The following NANOS1 variants were observed in gnomAD, a reference collection of about 807,000 sequenced individuals.
NANOS1 encodes the protein nanos C2HC-type zinc finger 1.
A neutral mutation model predicts 1.1 loss-of-function variants in NANOS1; 1 was observed. That is an observed-to-expected ratio of 0.88 (90% confidence interval 0.31 to 4.20). The LOEUF (loss-of-function observed/expected upper bound fraction) is 4.20, where lower values mean the gene tolerates loss of function less well. Ranked by LOEUF, NANOS1 falls within the 30% of genes most tolerant of loss-of-function variation. The pLI is 0.17. For missense variants in NANOS1, 537 were observed against 457.9 expected, an observed-to-expected ratio of 1.17 and a Z score of -1.58; for synonymous variants, 252 against 230.6, an observed-to-expected ratio of 1.09 and a Z score of -0.84.
chr10:119,030,494 C>A lies in NANOS1; in HGVS notation c.693C>A (p.Ile231=). 6.6e-7 allele frequency: 1 copy of A among 1,512,494 alleles called. No individual in the cohort carries two copies. Among genetic ancestry groups the A allele is most frequent in the Non-Finnish European group, 8.8e-7 (1 of 1,133,162 alleles). The allele number at this position is 1,512,494 out of a possible 1,614,324, so 93.7% of individuals were successfully genotyped here. A position where few individuals can be genotyped will look rare whatever the true frequency, so the allele number is the denominator to read the frequency against. The part of the protein sequence containing the change: ...KEAMALYTTH[I]LKGPDGRVLC... ...CGATGGCGCTCTACACCACCCATAT[C>A]CTCAAGGGCCCCGACGGGCGAGTGC... is the stretch of plus-strand genomic sequence containing the variant. The change falls in exon 1 of 1, where the codon ATC becomes ATA. Residue 231 remains isoleucine, a synonymous_variant. Transcript: ENST00000425699. This position sits in a 1 kb window ranked among gnomAD's most constrained non-coding sequence, Gnocchi z 5.3.
rs534229389 is a variant in NANOS1 at position 119,029,977 on chromosome 10, G to A, written c.176G>A (p.Gly59Asp). 2 of 1,411,944 alleles carry A rather than the reference G, an allele frequency of 1.4e-6. No homozygotes were observed. Among genetic ancestry groups the A allele is most frequent in the Non-Finnish European group, 1.8e-6 (2 of 1,083,586 alleles). The allele number at this position is 1,411,944 out of a possible 1,614,324, so 87.5% of individuals were successfully genotyped here. A position where few individuals can be genotyped will look rare whatever the true frequency, so the allele number is the denominator to read the frequency against. The change falls in exon 1 of 1, where the codon GGC becomes GAC. Residue 59 changes from glycine (G) to aspartate (D), a missense_variant. Gly to Asp is a moderately conservative substitution (Grantham distance 94). Transcript: ENST00000425699. ...ACGCTCATCACCAAAGCGGTGGACG[G>A]CGAGCCGCGCTTCGGCTGCGCCCGC... ...LATLITKAVD[G>D]EPRFGCARGG...
At position 119,031,060 on chromosome 10, in the gene NANOS1, C is replaced by G. The variant is rs1430287051; in HGVS notation, c.*380C>G. 1 of 204,620 alleles carries G rather than the reference C, an allele frequency of 4.9e-6. No homozygotes were observed. Among genetic ancestry groups the G allele is most frequent in the Non-Finnish European group, 1.1e-5 (1 of 93,320 alleles). 12.7% of individuals were successfully genotyped at this position (204,620 alleles called of 1,614,324 possible). On this transcript the variant is annotated 3_prime_UTR_variant, in exon 1 of 1. Transcript: ENST00000425699. ...ATGTTTCATTTTATGAATGGAGGCA[C>G]TTTACTAGGTCTAGAATATTTTTTT...
rs1413044538 is a variant in NANOS1 at position 119,033,201 on chromosome 10, GAAA to G, written c.*2526_*2528del. The G allele has an allele frequency of 6.0e-6, 1 of 166,954 alleles. No homozygotes were observed. Among genetic ancestry groups the G allele is most frequent in the Non-Finnish European group, 1.5e-5 (1 of 68,120 alleles). 10.3% of individuals were successfully genotyped at this position (166,954 alleles called of 1,614,324 possible). A position where few individuals can be genotyped will look rare whatever the true frequency, so the allele number is the denominator to read the frequency against. On this transcript the variant is annotated 3_prime_UTR_variant, in exon 1 of 1. Transcript: ENST00000425699. The stretch of plus-strand genomic sequence containing the variant: ...ACAGAGCGACTCTGTCTCCAAAAAA[GAAA>G]AAAAGTACCCCATGTTCAGCCCCTG...
chr10:119,030,414 C>G lies in NANOS1; in HGVS notation c.613C>G (p.Arg205Gly), dbSNP rs1480505853. 5.1e-5 allele frequency: 71 copies of G among 1,387,538 alleles called. No individual in the cohort carries two copies. Among genetic ancestry groups the G allele is most frequent in the Non-Finnish European group, 6.1e-5 (65 of 1,065,596 alleles). The allele number at this position is 1,387,538 out of a possible 1,614,324, so 86.0% of individuals were successfully genotyped here. A position where few individuals can be genotyped will look rare whatever the true frequency, so the allele number is the denominator to read the frequency against. ...CGCGGCCTCCGGGGCGGCGGCCGCC[C>G]GGCTGCTGAAGCCCGAGCTGCAGGT... Reference protein sequence around the residue: ...LHAASGAAAARLLKPELQVCV... With the variant: ...LHAASGAAAAGLLKPELQVCV... Residue 205 changes from arginine to glycine, a missense_variant, in exon 1 of 1, where the codon CGG (arginine) becomes GGG (glycine). By Grantham distance (125) the Arg-to-Gly change is moderately radical. Coordinates refer to ENST00000425699, the MANE Select transcript of NANOS1 (RefSeq NM_199461.4). This position sits in a 1 kb window ranked among gnomAD's most constrained non-coding sequence, Gnocchi z 5.3.
Position 119,030,715 on chromosome 10 carries a change from G to A in NANOS1, c.*35G>A. 1 of 1,274,200 alleles carries A rather than the reference G, an allele frequency of 7.8e-7. No individual in the cohort carries two copies. 78.9% of individuals were successfully genotyped at this position (1,274,200 alleles called of 1,614,324 possible). A position where few individuals can be genotyped will look rare whatever the true frequency, so the allele number is the denominator to read the frequency against. ...CTCCCGGCCGCCCAGGGTCGCCGCCGCCCCTCGCACCGCTAGGTCTGCGCA... is the reference window on the plus strand; with the variant it reads ...CTCCCGGCCGCCCAGGGTCGCCGCCACCCCTCGCACCGCTAGGTCTGCGCA... On this transcript the variant is annotated 3_prime_UTR_variant, in exon 1 of 1. Transcript: ENST00000425699. This position sits in a 1 kb window ranked among gnomAD's most constrained non-coding sequence, Gnocchi z 5.3.
In NANOS1 at chr10:119,030,067, C is replaced by T. The variant is rs1004498369; in HGVS notation, c.266C>T (p.Thr89Met). The T allele has an allele frequency of 4.4e-5, 58 of 1,323,712 alleles. 1 individual carries two copies. The highest frequency in any genetic ancestry group is 2.1e-4 in the South Asian group (11 of 51,270). The allele number at this position is 1,323,712 out of a possible 1,614,324, so 82.0% of individuals were successfully genotyped here. ...SSSSSCCSPH[T>M]GAGPGALGPA... ...TCGTCGTCCTGCTGCTCCCCCCACA[C>T]GGGGGCCGGGCCTGGGGCGCTGGGG... Residue 89 changes from threonine to methionine, a missense_variant, in exon 1 of 1, where the codon ACG becomes ATG. Physicochemically the swap from Thr to Met is moderately conservative, Grantham distance 81 (BLOSUM62 -1). Transcript: ENST00000425699. This position sits in a 1 kb window ranked among gnomAD's most constrained non-coding sequence, Gnocchi z 5.3.
chr10:119,030,318 GCCA>G lies in NANOS1; in HGVS notation c.527_529del (p.Thr176del). 1.8e-6 allele frequency: 2 copies of G among 1,115,736 alleles called. No individual in the cohort carries two copies. Among genetic ancestry groups the G allele is most frequent in the Non-Finnish European group, 1.1e-6 (1 of 916,402 alleles). The allele number at this position is 1,115,736 out of a possible 1,614,324, so 69.1% of individuals were successfully genotyped here. ...CTGCGCGCCCGCCGCCGCCGCCGCC[GCCA>G]CCACCACCAGCGAGGCGACGCCGCG... On this transcript the variant is annotated inframe_deletion, in exon 1 of 1. Transcript: ENST00000425699. The surrounding 1 kb of genome is among the most constrained non-coding windows in gnomAD (Gnocchi z 5.3).
Position 119,030,078 on chromosome 10 carries a change from C to A in NANOS1, c.277C>A (p.Pro93Thr). ...SCCSPHTGAG[P>T]GALGPALGPP... ...CTGCTCCCCCCACACGGGGGCCGGG[C>A]CTGGGGCGCTGGGGCCGGCGCTGGG... The change falls in exon 1 of 1, where the codon CCT (proline) becomes ACT (threonine). Residue 93 changes from proline to threonine, a missense_variant. By Grantham distance (38) the Pro-to-Thr change is conservative (BLOSUM62 -1). Transcript: ENST00000425699. This position sits in a 1 kb window ranked among gnomAD's most constrained non-coding sequence, Gnocchi z 5.3. The A allele has an allele frequency of 7.6e-7, 1 of 1,318,340 alleles. No homozygotes were observed. Among genetic ancestry groups the A allele is most frequent in the Non-Finnish European group, 9.6e-7 (1 of 1,038,646 alleles). 81.7% of individuals were successfully genotyped at this position (1,318,340 alleles called of 1,614,324 possible). A position where few individuals can be genotyped will look rare whatever the true frequency, so the allele number is the denominator to read the frequency against.
chr10:119,033,565 G>C lies in NANOS1; in HGVS notation c.*2885G>C, dbSNP rs1197769853. On this transcript the variant is annotated 3_prime_UTR_variant, in exon 1 of 1. Transcript: ENST00000425699. ...AGATTGTCTTAACCTGTTCTTTTCT[G>C]TACAGACTTAAAATTTCTAGTGGCT... The C allele has an allele frequency of 1.2e-5, 2 of 167,022 alleles. No homozygotes were observed. The highest frequency in any genetic ancestry group is 2.9e-5 in the Non-Finnish European group (2 of 68,100). The allele number at this position is 167,022 out of a possible 1,614,324, so 10.3% of individuals were successfully genotyped here.
Position 119,030,162 on chromosome 10 carries a change from C to CGG in NANOS1, c.362_363insGG (p.Tyr122AlafsTer31). The CGG allele has an allele frequency of 7.4e-7, 1 of 1,356,016 alleles. No homozygotes were observed. The highest frequency in any genetic ancestry group is 9.4e-7 in the Non-Finnish European group (1 of 1,059,712). The allele number at this position is 1,356,016 out of a possible 1,614,324, so 84.0% of individuals were successfully genotyped here. A position where few individuals can be genotyped will look rare whatever the true frequency, so the allele number is the denominator to read the frequency against. On this transcript the variant is annotated frameshift_variant, in exon 1 of 1. Coordinates refer to ENST00000425699, the MANE Select transcript of NANOS1 (RefSeq NM_199461.4). LOFTEE classifies it low-confidence loss of function (END_TRUNC). This position sits in a 1 kb window ranked among gnomAD's most constrained non-coding sequence, Gnocchi z 5.3. ...CAGCGACGAGCCGGGGTCCCGGGGC[C>CGG]GCTACCTGGGGAGCGCGCTGGAATT...
At position 119,030,674 on chromosome 10, in the gene NANOS1, G is replaced by C; in HGVS notation, c.873G>C (p.Leu291=). 7.6e-7 allele frequency: 1 copy of C among 1,322,250 alleles called. No individual in the cohort carries two copies. Among genetic ancestry groups the C allele is most frequent in the Non-Finnish European group, 9.6e-7 (1 of 1,038,898 alleles). 81.9% of individuals were successfully genotyped at this position (1,322,250 alleles called of 1,614,324 possible). ...GGGACGGCCCGCCTGGCAAGAAGCT[G>C]CGCTGAAGGCCCGGGCTCCCGGCCG... ...SARDGPPGKK[L]R The change falls in exon 1 of 1, where the codon CTG becomes CTC. Residue 291 remains leucine, a synonymous_variant. Coordinates refer to ENST00000425699, the MANE Select transcript of NANOS1 (RefSeq NM_199461.4). This position sits in a 1 kb window ranked among gnomAD's most constrained non-coding sequence, Gnocchi z 5.3.
rs966549243 is a variant in NANOS1 at position 119,033,058 on chromosome 10, G to A, written c.*2378G>A. 4.8e-5 allele frequency: 8 copies of A among 165,112 alleles called. No individual in the cohort carries two copies. The highest frequency in any genetic ancestry group is 1.9e-4 in the African/African-American group (8 of 41,424). The allele number at this position is 165,112 out of a possible 1,614,324, so 10.2% of individuals were successfully genotyped here. On this transcript the variant is annotated 3_prime_UTR_variant, in exon 1 of 1. Transcript: ENST00000425699. ...TAAAAATACAAAAATTAGCCGGGTGGTGTGGTGGGCGCCTGTAATCCCAGC... is the reference window on the plus strand; with the variant it reads ...TAAAAATACAAAAATTAGCCGGGTGATGTGGTGGGCGCCTGTAATCCCAGC...
In NANOS1 at chr10:119,029,745, C is replaced by T. The variant is rs922852184; in HGVS notation, c.-57C>T. 1,507 of 938,880 alleles carry T rather than the reference C, an allele frequency of 1.6e-3. 18 individuals are homozygous for T. In the African/African-American group the frequency reaches 0.023, roughly 14 times the overall value. 58.2% of individuals were successfully genotyped at this position (938,880 alleles called of 1,614,324 possible). A position where few individuals can be genotyped will look rare whatever the true frequency, so the allele number is the denominator to read the frequency against. On this transcript the variant is annotated 5_prime_UTR_variant, in exon 1 of 1. Transcript: ENST00000425699. ...GGCCGGCGGGCAGGCTCGGCGTGTC[C>T]CTTCCGTCCGGCCCGCGCCGGCGGC... is the stretch of plus-strand genomic sequence containing the variant.
At position 119,031,486 on chromosome 10, in the gene NANOS1, T is replaced by A. The variant is rs1006610463; in HGVS notation, c.*806T>A. On this transcript the variant is annotated 3_prime_UTR_variant, in exon 1 of 1. Coordinates refer to ENST00000425699, the MANE Select transcript of NANOS1 (RefSeq NM_199461.4). Reference sequence around the variant, plus strand: ...TTGGAAATGGTGCTGTTTAAAAAAATTGTGTATTTATACAGTAACAGTATG... The same window carrying A: ...TTGGAAATGGTGCTGTTTAAAAAAAATGTGTATTTATACAGTAACAGTATG... The A allele has an allele frequency of 1.2e-5, 2 of 167,070 alleles. No homozygotes were observed. The highest frequency in any genetic ancestry group is 6.5e-5 in the Admixed American group (1 of 15,284). The allele number at this position is 167,070 out of a possible 1,614,324, so 10.3% of individuals were successfully genotyped here.
At position 119,029,831 on chromosome 10, in the gene NANOS1, GC is replaced by G; in HGVS notation, c.34del (p.Arg12AlafsTer18). The stretch of plus-strand genomic sequence containing the variant: ...AGGCTTTCCCCTGGGCGCCCCGCTC[GC>G]CCCGCCGCGGCCGCGCCCCCCCGCC... MEAFPWAPRSPRRGRAPPPMA... is the reference protein window; with the variant it reads MEAFPWAPRSXRRGRAPPPMA... On this transcript the variant is annotated frameshift_variant, in exon 1 of 1. Transcript: ENST00000425699. LOFTEE classifies it high-confidence loss of function. 8.4e-7 allele frequency: 1 copy of G among 1,184,852 alleles called. No homozygotes were observed. Among genetic ancestry groups the G allele is most frequent in the Non-Finnish European group, 1.0e-6 (1 of 961,962 alleles). The allele number at this position is 1,184,852 out of a possible 1,614,324, so 73.4% of individuals were successfully genotyped here. A position where few individuals can be genotyped will look rare whatever the true frequency, so the allele number is the denominator to read the frequency against.
chr10:119,031,051 A>AT lies in NANOS1; in HGVS notation c.*372dup, dbSNP rs1349487907. 4.7e-6 allele frequency: 1 copy of AT among 213,172 alleles called. No individual in the cohort carries two copies. The highest frequency in any genetic ancestry group is 1.0e-5 in the Non-Finnish European group (1 of 98,978). 13.2% of individuals were successfully genotyped at this position (213,172 alleles called of 1,614,324 possible). Reference sequence around the variant, plus strand: ...CAATCTTGGATGTTTCATTTTATGAATGGAGGCACTTTACTAGGTCTAGAA... The same window carrying AT: ...CAATCTTGGATGTTTCATTTTATGAATTGGAGGCACTTTACTAGGTCTAGAA... On this transcript the variant is annotated 3_prime_UTR_variant, in exon 1 of 1. Transcript: ENST00000425699.
rs1037845060 is a variant in NANOS1, at chr10:119,033,022, C to G, written c.*2342C>G. On this transcript the variant is annotated 3_prime_UTR_variant, in exon 1 of 1. Coordinates refer to ENST00000425699, the MANE Select transcript of NANOS1 (RefSeq NM_199461.4). ...ACCAGCCTGGCCAACATGGCGAAGC[C>G]CCGTCTCTACTAAAAATACAAAAAT... 6.1e-6 allele frequency: 1 copy of G among 164,880 alleles called. No homozygotes were observed. Among genetic ancestry groups the G allele is most frequent in the Admixed American group, 6.5e-5 (1 of 15,270 alleles). 10.2% of individuals were successfully genotyped at this position (164,880 alleles called of 1,614,324 possible). A position where few individuals can be genotyped will look rare whatever the true frequency, so the allele number is the denominator to read the frequency against.
chr10:119,030,606 A>G lies in NANOS1; in HGVS notation c.805A>G (p.Lys269Glu). The G allele has an allele frequency of 6.7e-7, 1 of 1,492,766 alleles. No individual in the cohort carries two copies. Among genetic ancestry groups the G allele is most frequent in the Non-Finnish European group, 8.9e-7 (1 of 1,124,104 alleles). 92.5% of individuals were successfully genotyped at this position (1,492,766 alleles called of 1,614,324 possible). A position where few individuals can be genotyped will look rare whatever the true frequency, so the allele number is the denominator to read the frequency against. ...AHTIKYCPLS[K>E]VPPPPARPPP... ...CACCATCAAGTACTGCCCGCTCTCC[A>G]AAGTGCCGCCGCCGCCCGCCCGCCC... Residue 269 changes from lysine (K) to glutamate (E), a missense_variant, in exon 1 of 1, where the codon AAA (lysine) becomes GAA (glutamate). Coordinates refer to ENST00000425699, the MANE Select transcript of NANOS1 (RefSeq NM_199461.4). This position sits in a 1 kb window ranked among gnomAD's most constrained non-coding sequence, Gnocchi z 5.3.
Position 119,030,642 on chromosome 10 carries a change from A to G in NANOS1, c.841A>G (p.Ser281Gly). 3 of 1,427,500 alleles carry G rather than the reference A, an allele frequency of 2.1e-6. No individual in the cohort carries two copies. The South Asian group carries it at 4.7e-5, about 22-fold the overall frequency. 88.4% of individuals were successfully genotyped at this position (1,427,500 alleles called of 1,614,324 possible). Residue 281 changes from serine to glycine, a missense_variant, in exon 1 of 1, where the codon AGC (serine) becomes GGC (glycine). Transcript: ENST00000425699. This position sits in a 1 kb window ranked among gnomAD's most constrained non-coding sequence, Gnocchi z 5.3. ...PPPPARPPPR[S>G]ARDGPPGKKL... ...GCCGCCCGCCCGCCCGCCGCCCCGC[A>G]GCGCCAGGGACGGCCCGCCTGGCAA... is the stretch of plus-strand genomic sequence containing the variant.
Sources: gnomAD v4.1 joint callset for allele counts on GRCh38, gnomAD v4.1.1 for gene constraint, Gnocchi (gnomAD v3.1) non-coding constraint, MANE v1.5 for transcripts, NCBI Gene and HGNC (gene_info 2026-07-23, HGNC 2026-07-21) for gene names.